The following ARHGAP42 variants were observed in gnomAD, a reference collection of about 807,000 sequenced individuals.
ARHGAP42 encodes Rho GTPase activating protein 42, also known as rho GTPase-activating protein 42.
ARHGAP42 carries 63 observed loss-of-function variants against 125.0 expected under a neutral mutation model. That is an observed-to-expected ratio of 0.50 (90% CI 0.41 to 0.62). The LOEUF is 0.62. Among genes scored for constraint, ARHGAP42 ranks in the 20% least tolerant of loss-of-function variants. The probability of loss-of-function intolerance (pLI) is 0.00; values close to 1 mark genes in which losing one functional copy is unlikely to be tolerated. For missense variants in ARHGAP42, 766 were observed against 1,024.2 expected (o/e 0.75, Z 3.44); for synonymous variants, 339 against 351.0 (o/e 0.97, Z 0.38).
chr11:100,786,997 G>T (rs546960549), intron 2 of ARHGAP42, among the ~76,000 whole-genome samples: 1 of 152,044 alleles, frequency 6.6e-6, no homozygotes, highest in Non-Finnish European at 1.5e-5. Flanking sequence ...TGGCAGTTTC[G>T]CTGGGTGTGG....
chr11:100,763,316 C>T (rs1207376927), intron 1 of ARHGAP42, among the ~76,000 whole-genome samples: 1 of 146,680 alleles, frequency 6.8e-6, no homozygotes, highest in Non-Finnish European at 1.5e-5. Flanking sequence ...GAATGTTTTG[C>T]CAGTTAGTTT....
chr11:100,909,148 A>T (rs926121601), intron 4 of ARHGAP42, among the ~76,000 whole-genome samples: 2 of 151,938 alleles, frequency 1.3e-5, no homozygotes, highest in African/African-American at 4.8e-5. Context: ...TGTTGGATGG[A>T]TTGTTTGCAA....
chr11:100,915,445 A>G (rs926242500), intron 5 of ARHGAP42, among the ~76,000 whole-genome samples: 2 of 152,176 alleles, frequency 1.3e-5, no homozygotes, highest in Non-Finnish European at 2.9e-5. Flanking sequence ...CAGGAAAATT[A>G]TGGGTGGTCT....
At position 100,992,672 on chromosome 11, in the gene ARHGAP42, G is replaced by T. The variant is rs779671371; in HGVS notation, c.*3871G>T. On this transcript the variant is annotated 3_prime_UTR_variant, in exon 24 of 24. Transcript: ENST00000298815. ...TGTGCCAGTTCCACTTGGTAATAAC[G>T]TTGGGAAAATGCAGGTTTATGAATG... 16 of 1,598,464 alleles carry T rather than the reference G, an allele frequency of 1.0e-5. No homozygotes were observed. Among genetic ancestry groups the T allele is most frequent in the Non-Finnish European group, 1.4e-5 (16 of 1,173,118 alleles).
At chr11:100,768,103 G>A (rs1862874333) in intron 1 of ARHGAP42, among the ~76,000 whole-genome samples, 2 of 152,098 alleles carry the variant, frequency 1.3e-5, no homozygotes, top group Admixed American at 1.3e-4. Flanking sequence ...GTTATGTCTA[G>A]GCATAGGACC....
At position 100,943,892 on chromosome 11, in the gene ARHGAP42, AT is replaced by A. The variant is rs745752120; in HGVS notation, c.1043+31del. ...AGGTTTGAGCTGTTCTTTTCACTTTATTTTTTTCATAAGCTAAACGGTGTCT... is the reference window on the plus strand; with the variant it reads ...AGGTTTGAGCTGTTCTTTTCACTTTATTTTTTCATAAGCTAAACGGTGTCT... On this transcript the variant is annotated intron_variant, in intron 10 of 23. Transcript: ENST00000298815. The A allele has an allele frequency of 2.3e-5, 32 of 1,418,248 alleles. No homozygotes were observed. The South Asian group carries it at 2.9e-4, about 13-fold the overall frequency. The allele number at this position is 1,418,248 out of a possible 1,614,324, so 87.9% of individuals were successfully genotyped here.
intron 6 of ARHGAP42, among the ~76,000 whole-genome samples, chr11:100,930,396 T>C (rs1354618427): frequency 1.3e-5 from 2 of 152,200 alleles, no homozygotes; most frequent in Non-Finnish European, 2.9e-5. Flanking sequence ...TATTTCATAA[T>C]GCAATCTTCA....
intron 3 of ARHGAP42, among the ~76,000 whole-genome samples, chr11:100,855,008 T>G (rs1865293567): frequency 6.6e-6 from 1 of 152,168 alleles, no homozygotes; most frequent in East Asian, 1.9e-4. Context: ...CCTACCTTTG[T>G]GGTCTTTCCA....
intron 1 of ARHGAP42, among the ~76,000 whole-genome samples, chr11:100,759,162 C>A (rs1021370063): frequency 3.9e-5 from 6 of 152,076 alleles, no homozygotes; most frequent in African/African-American, 1.4e-4. Context: ...AGGTGTCCCC[C>A]ACTCACCCCC....
chr11:100,687,777 C>T lies in ARHGAP42; in HGVS notation c.99C>T (p.Asn33=), dbSNP rs1861110071. 1.3e-6 allele frequency: 2 copies of T among 1,550,838 alleles called. No homozygotes were observed. The highest frequency in any genetic ancestry group is 2.7e-5 in the African/African-American group (2 of 73,034). Residue 33 remains asparagine (N), a synonymous_variant, in exon 1 of 24, where the codon AAC becomes AAT. Transcript: ENST00000298815. ...ACGAGATTGAGCTGGAGCGAACCAA[C>T]AAGTTCATCAAGGAGCTCATTAAGG... ...QCHEIELERT[N]KFIKELIKDG... is the part of the protein sequence containing the mutation.
chr11:100,688,947 A>G (rs1433855074), intron 1 of ARHGAP42, among the ~76,000 whole-genome samples: 1 of 152,168 alleles, frequency 6.6e-6, no homozygotes, highest in African/African-American at 2.4e-5. Context: ...TCTTTGTATA[A>G]CAACATGATA....
chr11:100,868,027 C>G (rs2135153706), intron 4 of ARHGAP42, among the ~76,000 whole-genome samples: 1 of 151,994 alleles, frequency 6.6e-6, no homozygotes, highest in East Asian at 1.9e-4. Flanking sequence ...ACCATGGAGC[C>G]CCAGAACAAT....
chr11:100,875,811 A>AGAGGGTAAG (rs1865812445), intron 4 of ARHGAP42, among the ~76,000 whole-genome samples: 1 of 152,162 alleles, frequency 6.6e-6, no homozygotes, highest in Non-Finnish European at 1.5e-5. Context: ...AGTAGCATAA[A>AGAGGGTAAG]GAGGGTAAAT....
intron 4 of ARHGAP42, among the ~76,000 whole-genome samples, chr11:100,902,495 A>G (rs1458104512): frequency 1.3e-5 from 2 of 152,236 alleles, no homozygotes; most frequent in Non-Finnish European, 2.9e-5. Context: ...TTTTCTTATC[A>G]TAAAATCACA....
chr11:100,835,998 GATTTTTGGGTC>G lies in ARHGAP42; in HGVS notation c.313-23549_313-23539del, dbSNP rs1776156869. 2.0e-5 allele frequency among the ~76,000 whole-genome samples: 3 copies of G among 151,970 alleles called. 1 individual carries two copies. Among genetic ancestry groups the G allele is most frequent in the African/African-American group, 7.2e-5 (3 of 41,392 alleles). On this transcript the variant is annotated intron_variant, in intron 3 of 23. Coordinates refer to ENST00000298815, the MANE Select transcript of ARHGAP42 (RefSeq NM_152432.4). ...CCAGCCGAACAAGGAAATCTCTTGAGATTTTTGGGTCATTTTTCAAAATCAAGACAAAAATA... is the reference window on the plus strand; with the variant it reads ...CCAGCCGAACAAGGAAATCTCTTGAGATTTTTCAAAATCAAGACAAAAATA...
At chr11:100,701,045 A>G (rs1310386471) in intron 1 of ARHGAP42, among the ~76,000 whole-genome samples, 1 of 152,194 alleles carries the variant, frequency 6.6e-6, no homozygotes, top group Non-Finnish European at 1.5e-5. Context: ...ATGTTGTGTT[A>G]GTTGGCATGA....
chr11:100,688,023 A>C (rs1282065532), intron 1 of ARHGAP42, 191 bp downstream of exon 1: 1 of 537,950 alleles, frequency 1.9e-6, no homozygotes, highest in Non-Finnish European at 3.1e-6. Flanking sequence ...TCACATGTCT[A>C]CAGGGATGGG....
In ARHGAP42 at chr11:100,773,741, T is replaced by C. The variant is rs555226435; in HGVS notation, c.250+3303T>C. On this transcript the variant is annotated intron_variant, in intron 2 of 23. Transcript: ENST00000298815. ...CTTTCCACTTTGGCTAATTGAACATTGTTGTGCAGCTGTTGCAGATTAGAT... is the reference window on the plus strand; with the variant it reads ...CTTTCCACTTTGGCTAATTGAACATCGTTGTGCAGCTGTTGCAGATTAGAT... 2.0e-3 allele frequency among the ~76,000 whole-genome samples: 302 copies of C among 152,330 alleles called. 1 individual carries two copies. The highest frequency in any genetic ancestry group is 3.3e-3 in the Non-Finnish European group (224 of 68,028).
intron 4 of ARHGAP42, among the ~76,000 whole-genome samples, chr11:100,895,125 G>A (rs907389263): frequency 7.2e-5 from 11 of 152,202 alleles, no homozygotes; most frequent in Non-Finnish European, 1.0e-4. Context: ...GGAGGCCAAG[G>A]CCCTAGAGTG....
Sources: gnomAD v4.1 joint callset for allele counts (sites outside exome capture counted in the v4.1 genomes callset) on GRCh38, gnomAD v4.1.1 for gene constraint, MANE v1.5 for transcripts, NCBI Gene and HGNC (gene_info 2026-07-23, HGNC 2026-07-21) for gene names.